The following ARL15 variants were observed in gnomAD, a reference collection of about 807,000 sequenced individuals.
ARL15 encodes the protein ARF like GTPase 15.
A neutral mutation model predicts 25.2 loss-of-function variants in ARL15; 19 were observed. The observed-to-expected ratio is 0.75, with a 90% confidence interval of 0.53 to 1.10. The LOEUF (loss-of-function observed/expected upper bound fraction) is 1.10, where lower values mean the gene tolerates loss of function less well. ARL15 is among the 50% of genes least tolerant of loss of function. ARL15 has a pLI of 0.00. For missense variants in ARL15, 220 were observed against 246.0 expected, an observed-to-expected ratio of 0.89 and a Z score of 0.71; for synonymous variants, 94 against 86.8, an observed-to-expected ratio of 1.08 and a Z score of -0.46.
intron 4 of ARL15, among the ~76,000 whole-genome samples, chr5:53,929,389 C>G (rs702618): frequency 0.26 from 39,302 of 152,018 alleles, 6,270 homozygotes; most frequent in Middle Eastern, 0.38. Context: ...ATGGGTCAAA[C>G]AGAAGTCACG....
intron 1 of ARL15, among the ~76,000 whole-genome samples, chr5:54,276,561 G>A (rs1269022606): frequency 6.6e-6 from 1 of 152,196 alleles, no homozygotes; most frequent in African/African-American, 2.4e-5. Flanking sequence ...CTTATGGTAG[G>A]CAGAATAATG....
chr5:54,195,157 C>G (rs887833020), intron 1 of ARL15, among the ~76,000 whole-genome samples: 1 of 152,144 alleles, frequency 6.6e-6, no homozygotes, highest in Non-Finnish European at 1.5e-5. Context: ...TCTCAAAATA[C>G]TTAGTTAATG....
intron 4 of ARL15, among the ~76,000 whole-genome samples, chr5:53,993,770 A>T (rs564195730): frequency 6.6e-6 from 1 of 152,320 alleles, no homozygotes; most frequent in East Asian, 1.9e-4. Flanking sequence ...ATGATTAGTT[A>T]GAGTCAGGTC....
rs536758424 is a variant in ARL15 at position 54,056,990 on chromosome 5, G to A, written c.462+56212C>T. ...TGCACATACATGAACATACACATAC[G>A]AACATAGAATAATGCAATAACAAAT... On this transcript the variant is annotated intron_variant, in intron 4 of 4. Transcript: ENST00000504924. Among the ~76,000 whole-genome samples, 150 of 151,334 alleles carry A rather than the reference G, an allele frequency of 9.9e-4. No individual in the cohort carries two copies. The Middle Eastern group carries it at 0.01, about 10-fold the overall frequency.
chr5:54,247,222 G>GTT (rs34487160), intron 1 of ARL15, among the ~76,000 whole-genome samples: 6 of 146,128 alleles, frequency 4.1e-5, no homozygotes, highest in African/African-American at 7.6e-5. Context: ...TTAAAGTTTT[G>GTT]TTTTTTTTTT....
Position 54,060,313 on chromosome 5 carries a change from C to T in ARL15, c.462+52889G>A, listed in dbSNP as rs564044199. ...GCATGGTGGTGCATTCCTGTAATCC[C>T]CGCTACTCAGGAGGCTGAGGCAGGA... is the stretch of plus-strand genomic sequence containing the variant. On this transcript the variant is annotated intron_variant, in intron 4 of 4. Coordinates refer to ENST00000504924, the MANE Select transcript of ARL15 (RefSeq NM_019087.3). 3.9e-5 allele frequency among the ~76,000 whole-genome samples: 6 copies of T among 152,156 alleles called. No individual in the cohort carries two copies. In the East Asian group the frequency reaches 1.2e-3, roughly 29 times the overall value.
chr5:54,155,560 A>T (rs938934231), intron 2 of ARL15, among the ~76,000 whole-genome samples: 1 of 152,122 alleles, frequency 6.6e-6, no homozygotes, highest in Non-Finnish European at 1.5e-5. Flanking sequence ...TACAAGTTTT[A>T]TATTATAAGA....
chr5:54,004,020 T>C (rs1052605509), intron 4 of ARL15, among the ~76,000 whole-genome samples: 3 of 152,150 alleles, frequency 2.0e-5, no homozygotes, highest in Admixed American at 6.5e-5. Flanking sequence ...AACTCCACCT[T>C]AAAATCTCAC....
chr5:53,951,051 A>G (rs536633705), intron 4 of ARL15, among the ~76,000 whole-genome samples: 3 of 152,328 alleles, frequency 2.0e-5, no homozygotes, highest in East Asian at 1.9e-4. Context: ...TGGTTGGGGG[A>G]AAAAAATCAA....
intron 4 of ARL15, among the ~76,000 whole-genome samples, chr5:54,085,907 C>G (rs1340347976): frequency 6.7e-6 from 1 of 148,372 alleles, no homozygotes; most frequent in African/African-American, 2.5e-5. Flanking sequence ...GCTCCAGGCA[C>G]CACACATGAG....
At chr5:53,937,104 AGCAAGCCTTGCCAAGAGTTCTCCGTC>A (rs1355372324) in intron 4 of ARL15, among the ~76,000 whole-genome samples, 1 of 152,244 alleles carries the variant, frequency 6.6e-6, no homozygotes, top group Non-Finnish European at 1.5e-5. Context: ...ACCCACTGGT[AGCAAGCCTTGCCAAGAGTTCTCCGTC>A]CCCGGAGGCT....
chr5:54,280,596 T>C (rs1252630270), intron 1 of ARL15, among the ~76,000 whole-genome samples: 1 of 152,232 alleles, frequency 6.6e-6, no homozygotes, highest in African/African-American at 2.4e-5. Flanking sequence ...CTCCCTGCCC[T>C]CAAGGAACTT....
intron 4 of ARL15, among the ~76,000 whole-genome samples, chr5:53,926,960 A>G (rs1353613074): frequency 2.0e-5 from 3 of 151,816 alleles, no homozygotes; most frequent in Admixed American, 6.6e-5. Context: ...AAAAAAAAAA[A>G]ATAAAGTCCA....
At chr5:54,006,259 G>A (rs980282182) in intron 4 of ARL15, among the ~76,000 whole-genome samples, 1 of 151,884 alleles carries the variant, frequency 6.6e-6, no homozygotes, top group Non-Finnish European at 1.5e-5. Context: ...ATATACCCCA[G>A]AAATCATTTC....
At chr5:54,145,554 T>G (rs1333375161) in intron 3 of ARL15, among the ~76,000 whole-genome samples, 1 of 152,054 alleles carries the variant, frequency 6.6e-6, no homozygotes, top group African/African-American at 2.4e-5. Flanking sequence ...TCCATAATCA[T>G]TATGGCCAAC....
Sources: allele counts gnomAD v4.1 joint callset (sites outside exome capture counted in the v4.1 genomes callset), GRCh38; gene constraint gnomAD v4.1.1; transcripts MANE v1.5; gene names NCBI Gene and HGNC (gene_info 2026-07-23, HGNC 2026-07-21).